Variants in BRD2 observed in about 807,000 individuals in gnomAD.
BRD2 encodes the protein bromodomain-containing protein 2.
BRD2 carries 15 observed loss-of-function variants against 79.1 expected under a neutral mutation model. The ratio of observed to expected loss-of-function variants is 0.19; its 90% CI spans 0.13 to 0.29. BRD2 has a LOEUF of 0.29. Among genes scored for constraint, BRD2 ranks in the 10% least tolerant of loss-of-function variants. The pLI is 1.00. For synonymous variants in BRD2, 488 were observed against 358.6 expected, an observed-to-expected ratio of 1.36 and a Z score of -4.08; for missense variants, 1,053 against 991.3, an observed-to-expected ratio of 1.06 and a Z score of -0.84.
chr6:32,978,282 C>T lies in BRD2; in HGVS notation c.1735C>T (p.Pro579Ser), dbSNP rs778162067. 1.2e-6 allele frequency: 2 copies of T among 1,612,984 alleles called. No individual in the cohort carries two copies. Among genetic ancestry groups the T allele is most frequent in the Non-Finnish European group, 1.7e-6 (2 of 1,180,020 alleles). Reference sequence around the variant, plus strand: ...TGAAGATGACAAGGGGCCTAGGGCACCCCGCCCACCTCAACCTAAGAAGTC... The same window carrying T: ...TGAAGATGACAAGGGGCCTAGGGCATCCCGCCCACCTCAACCTAAGAAGTC... Reference protein sequence around the residue: ...ADEDDKGPRAPRPPQPKKSKK... With the variant: ...ADEDDKGPRASRPPQPKKSKK... Residue 579 changes from proline (P) to serine (S), a missense_variant, in exon 10 of 13, where the codon CCC becomes TCC. Coordinates refer to ENST00000374825, the MANE Select transcript of BRD2 (RefSeq NM_005104.4).
rs1474681417 is a variant in BRD2 at position 32,978,168 on chromosome 6, C to G, written c.1621C>G (p.Pro541Ala). The G allele has an allele frequency of 4.3e-6, 7 of 1,612,850 alleles. No homozygotes were observed. Among genetic ancestry groups the G allele is most frequent in the Non-Finnish European group, 5.9e-6 (7 of 1,179,996 alleles). ...ACAACTGGCTGCTCTGTCCCAGGGT[C>G]CAATATCCAAGCCCAAGAGGAAAAG... is the stretch of plus-strand genomic sequence containing the variant. ...HEQLAALSQG[P>A]ISKPKRKREK... is the part of the protein sequence containing the mutation. The change falls in exon 10 of 13, where the codon CCA becomes GCA. Residue 541 changes from proline (P) to alanine (A), a missense_variant. This residue lies in a region of BRD2 where 454 missense variants were observed against 430.5 expected (regional missense o/e 1.05). Transcript: ENST00000374825.
rs1778017374 is a variant in BRD2 at position 32,971,824 on chromosome 6, T to A, written c.-1075T>A. On this transcript the variant is annotated 5_prime_UTR_variant, in exon 2 of 13. Coordinates refer to ENST00000374825, the MANE Select transcript of BRD2 (RefSeq NM_005104.4). ...GTTGGAAGGGGAGGCGGGGAGAGAG[T>A]GCTGGAGGCTCTGGGGCGATGGCTT... 1 of 666,012 alleles carries A rather than the reference T, an allele frequency of 1.5e-6. No individual in the cohort carries two copies. The highest frequency in any genetic ancestry group is 1.6e-5 in the South Asian group (1 of 62,324). The allele number at this position is 666,012 out of a possible 1,614,324, so 41.3% of individuals were successfully genotyped here.
At chr6:32,975,087 C>A (rs1778547818) in intron 3 of BRD2, 1 of 1,512,176 alleles carries the variant, frequency 6.6e-7, no homozygotes, top group Non-Finnish European at 8.8e-7. Flanking sequence ...TTCCCTCATG[C>A]AGCCCATGGA....
chr6:32,971,876 C>A lies in BRD2; in HGVS notation c.-1023C>A. On this transcript the variant is annotated 5_prime_UTR_variant, in exon 2 of 13. Transcript: ENST00000374825. Reference sequence around the variant, plus strand: ...CGCACCTCTTCCAACCACCCTCTTTCCCTGGAGTCGGCGGACCACAGCTCA... The same window carrying A: ...CGCACCTCTTCCAACCACCCTCTTTACCTGGAGTCGGCGGACCACAGCTCA... 1 of 702,056 alleles carries A rather than the reference C, an allele frequency of 1.4e-6. No individual in the cohort carries two copies. The highest frequency in any genetic ancestry group is 2.6e-6 in the Non-Finnish European group (1 of 384,526). The allele number at this position is 702,056 out of a possible 1,614,324, so 43.5% of individuals were successfully genotyped here. A position where few individuals can be genotyped will look rare whatever the true frequency, so the allele number is the denominator to read the frequency against.
chr6:32,977,415 A>G, intron 7 of BRD2, 27 bp from the exon 8 acceptor site: 2 of 1,613,640 alleles, frequency 1.2e-6, no homozygotes, highest in Non-Finnish European at 1.7e-6. Context: ...CTGCCTGTGC[A>G]GCTTCTGATG....
Position 32,980,710 on chromosome 6 carries a change from T to C in BRD2, c.2398T>C (p.Ser800Pro), listed in dbSNP as rs1163768200. The change falls in exon 13 of 13, where the codon TCA (serine) becomes CCA (proline). Residue 800 changes from serine (S) to proline (P), a missense_variant. Ser to Pro is a moderately conservative substitution (Grantham distance 74). Transcript: ENST00000374825. ...GTCTTCAGACACCAGTGATTCAGAC[T>C]CAGGCTAAGGGGTCAGGCCAGATGG... Reference protein sequence around the residue: ...SSSSDTSDSDSG With the variant: ...SSSSDTSDSDPG The C allele has an allele frequency of 6.2e-7, 1 of 1,612,844 alleles. No homozygotes were observed. Among genetic ancestry groups the C allele is most frequent in the Admixed American group, 1.7e-5 (1 of 60,034 alleles).
chr6:32,969,341 G>A (rs1376882898), intron 1 of BRD2: 2 of 716,684 alleles, frequency 2.8e-6, no homozygotes, highest in Non-Finnish European at 5.2e-6. Context: ...GGGTACAGCA[G>A]CCGGGAGCCA....
At position 32,971,813 on chromosome 6, in the gene BRD2, C is replaced by T. The variant is rs1417217999; in HGVS notation, c.-1086C>T. The T allele has an allele frequency of 9.3e-6, 6 of 647,054 alleles. No individual in the cohort carries two copies. The highest frequency in any genetic ancestry group is 3.1e-4 in the Middle Eastern group (1 of 3,256). The allele number at this position is 647,054 out of a possible 1,614,324, so 40.1% of individuals were successfully genotyped here. On this transcript the variant is annotated 5_prime_UTR_variant, in exon 2 of 13. Coordinates refer to ENST00000374825, the MANE Select transcript of BRD2 (RefSeq NM_005104.4). ...GGGAAGACTTTGTTGGAAGGGGAGG[C>T]GGGGAGAGAGTGCTGGAGGCTCTGG... is the stretch of plus-strand genomic sequence containing the variant.
At chr6:32,975,727 A>G (rs1778653148) in intron 4 of BRD2, among the ~76,000 whole-genome samples, 1 of 152,212 alleles carries the variant, frequency 6.6e-6, no homozygotes, top group Non-Finnish European at 1.5e-5. Flanking sequence ...GGTTATTTAG[A>G]ACACTTCATA....
Position 32,975,425 on chromosome 6 carries a change from T to C in BRD2, c.375T>C (p.Thr125=). The change falls in exon 4 of 13, where the codon ACT becomes ACC. Residue 125 remains threonine (T), a synonymous_variant. Transcript: ENST00000374825. ...KIIKQPMDMG[T]IKRRLENNYY... The stretch of plus-strand genomic sequence containing the variant: ...TAAAACAGCCTATGGACATGGGTAC[T>C]ATTAAGAGGAGACTTGAAAACAATT... The C allele has an allele frequency of 1.2e-6, 2 of 1,610,764 alleles. No homozygotes were observed. Among genetic ancestry groups the C allele is most frequent in the Non-Finnish European group, 1.7e-6 (2 of 1,178,026 alleles).
chr6:32,980,336 C>T lies in BRD2; in HGVS notation c.2147-6C>T, dbSNP rs762814291. ...TTAATGTATCCTGATAAATTTCTTT[C>T]ATTAGCCATTAAGAAGCCTGTGGGA... On this transcript the variant is annotated splice_polypyrimidine_tract_variant and splice_region_variant and intron_variant, in intron 11 of 12. Transcript: ENST00000374825. 5.0e-6 allele frequency: 8 copies of T among 1,612,376 alleles called. No individual in the cohort carries two copies. Among genetic ancestry groups the T allele is most frequent in the Non-Finnish European group, 5.9e-6 (7 of 1,179,920 alleles).
In BRD2 at chr6:32,980,853, T is replaced by C; in HGVS notation, c.*135T>C. 9.2e-7 allele frequency: 1 copy of C among 1,089,010 alleles called. No homozygotes were observed. The highest frequency in any genetic ancestry group is 1.3e-6 in the Non-Finnish European group (1 of 763,110). The allele number at this position is 1,089,010 out of a possible 1,614,324, so 67.5% of individuals were successfully genotyped here. A position where few individuals can be genotyped will look rare whatever the true frequency, so the allele number is the denominator to read the frequency against. On this transcript the variant is annotated 3_prime_UTR_variant, in exon 13 of 13. Transcript: ENST00000374825. ...CCCGCCCCCCTCTAGGAGAGCTGGCTCTGCAGTGGGGGAGGGATGCAGGGA... is the reference window on the plus strand; with the variant it reads ...CCCGCCCCCCTCTAGGAGAGCTGGCCCTGCAGTGGGGGAGGGATGCAGGGA...
chr6:32,977,674 G>A, intron 8 of BRD2, 83 bp from the exon 9 acceptor site: 3 of 1,603,338 alleles, frequency 1.9e-6, no homozygotes, highest in Non-Finnish European at 2.6e-6. Flanking sequence ...CTGTACAGTT[G>A]TAAATTGGAG....
intron 4 of BRD2, 75 bp downstream of exon 4, chr6:32,975,596 C>T (rs1778633738): frequency 6.4e-7 from 1 of 1,560,096 alleles, no homozygotes; most frequent in Non-Finnish European, 8.8e-7. Flanking sequence ...ATGTTGTCTA[C>T]ATAAAGTTTA....
At chr6:32,974,386 T>A in intron 2 of BRD2, 76 bp from the exon 3 acceptor site, 1 of 1,454,664 alleles carries the variant, frequency 6.9e-7, no homozygotes, top group Middle Eastern at 2.5e-4. Context: ...AGCACCTGGA[T>A]TCATCAGACT....
intron 3 of BRD2, chr6:32,975,035 T>C (rs1457954069): frequency 1.2e-5 from 19 of 1,524,998 alleles, no homozygotes; most frequent in Non-Finnish European, 1.6e-5. Context: ...CCACCTCGGG[T>C]TGGGAGAGGA....
At position 32,972,741 on chromosome 6, in the gene BRD2, T is replaced by C. The variant is rs1778183769; in HGVS notation, c.-158T>C. The C allele has an allele frequency of 8.9e-7, 1 of 1,118,616 alleles. No individual in the cohort carries two copies. 69.3% of individuals were successfully genotyped at this position (1,118,616 alleles called of 1,614,324 possible). A position where few individuals can be genotyped will look rare whatever the true frequency, so the allele number is the denominator to read the frequency against. On this transcript the variant is annotated 5_prime_UTR_variant, in exon 2 of 13. Transcript: ENST00000374825. The stretch of plus-strand genomic sequence containing the variant: ...GCTCTCCGAGAGGCCCCAAAGAGAC[T>C]GCTTTCGTGCCGGCCAGGCAGGGGG...
chr6:32,973,414 T>C (rs3130597), intron 2 of BRD2, among the ~76,000 whole-genome samples: 141,828 of 152,184 alleles, frequency 0.93, 66,258 homozygotes, highest in Middle Eastern at 0.98. Flanking sequence ...ATGCCCAGGG[T>C]ATGTCATTAA....
In BRD2 at chr6:32,972,053, C is replaced by G. The variant is rs1489672207; in HGVS notation, c.-846C>G. 1 of 700,598 alleles carries G rather than the reference C, an allele frequency of 1.4e-6. No individual in the cohort carries two copies. The highest frequency in any genetic ancestry group is 1.5e-5 in the South Asian group (1 of 66,722). The allele number at this position is 700,598 out of a possible 1,614,324, so 43.4% of individuals were successfully genotyped here. A position where few individuals can be genotyped will look rare whatever the true frequency, so the allele number is the denominator to read the frequency against. ...AAGCTCCCGCGGAGAGGTGTTCCTTCCCCTTCGACTCAGCTTCTTCACCCG... is the reference window on the plus strand; with the variant it reads ...AAGCTCCCGCGGAGAGGTGTTCCTTGCCCTTCGACTCAGCTTCTTCACCCG... On this transcript the variant is annotated 5_prime_UTR_variant, in exon 2 of 13. Transcript: ENST00000374825.
Sources: allele counts gnomAD v4.1 joint callset (sites outside exome capture counted in the v4.1 genomes callset), GRCh38; gene constraint gnomAD v4.1.1; regional missense constraint gnomAD v4.1.1; transcripts MANE v1.5; gene names NCBI Gene and HGNC (gene_info 2026-07-23, HGNC 2026-07-21).